MYOCOS: variants seen among roughly 807,000 people sequenced by gnomAD.
MYOCOS encodes myocilin opposite strand protein.
intron 2 of MYOCOS, 115 bp downstream of exon 2, chr1:171,624,093 C>A (rs1652631327): frequency 2.5e-6 from 1 of 397,302 alleles, no homozygotes; most frequent in Non-Finnish European, 4.4e-6. Context: ...GTATTTAATG[C>A]TGCTGCAAGA....
chr1:171,615,082 A>AT (rs1458279076), intron 2 of MYOCOS: 1 of 152,248 alleles, frequency 6.6e-6, no homozygotes, highest in Non-Finnish European at 1.5e-5. Flanking sequence ...CTTGAAGGCC[A>AT]TTGTAAGGTT....
upstream of MYOCOS, among the ~76,000 whole-genome samples, chr1:171,620,723 G>C (rs1167259491): frequency 1.3e-5 from 2 of 151,096 alleles, no homozygotes; most frequent in African/African-American, 2.4e-5. Flanking sequence ...ACTGCACTTT[G>C]AGTTGTCCTG....
upstream of MYOCOS, among the ~76,000 whole-genome samples, chr1:171,618,559 TTTTGTTTG>T (rs138926013): frequency 4.0e-4 from 60 of 150,734 alleles, no homozygotes; most frequent in African/African-American, 8.1e-4. Context: ...ACTATCTCCT[TTTTGTTTG>T]TTTGTTTGTT....
At chr1:171,600,881 A>G (rs567756232) in exon 1 of MYOCOS, 1 of 152,322 alleles carries the variant, frequency 6.6e-6, no homozygotes, top group East Asian at 1.9e-4. Flanking sequence ...TCCTTCTACA[A>G]CTTGGTGTCT....
intron 1 of MYOCOS, among the ~76,000 whole-genome samples, chr1:171,602,117 G>A (rs1652155016): frequency 6.6e-6 from 1 of 151,840 alleles, no homozygotes; most frequent in African/African-American, 2.4e-5. Flanking sequence ...TATGTAAAGA[G>A]TGTTATATGG....
rs1460461913 is a variant in MYOCOS, at chr1:171,623,959, C to A, written c.76C>A (p.Arg26=). 2 of 398,456 alleles carry A rather than the reference C, an allele frequency of 5.0e-6. No homozygotes were observed. The highest frequency in any genetic ancestry group is 8.8e-6 in the Non-Finnish European group (2 of 226,070). The allele number at this position is 398,456 out of a possible 1,614,324, so 24.7% of individuals were successfully genotyped here. ...CTTGACCTCCGAGGTAACCAGGCGCCGAGTCACCATGATCACAAGGTACCC... is the reference window on the plus strand; with the variant it reads ...CTTGACCTCCGAGGTAACCAGGCGCAGAGTCACCATGATCACAAGGTACCC... The part of the protein sequence containing the change: ...KDLTSEVTRR[R]VTMITRKEII... Residue 26 remains arginine, a synonymous_variant, in exon 2 of 3, where the codon CGA becomes AGA. Coordinates refer to ENST00000637642, the MANE Select transcript of MYOCOS (RefSeq NM_001391940.1).
At chr1:171,623,106 G>A (rs1251994308) in intron 1 of MYOCOS, among the ~76,000 whole-genome samples, 1 of 152,044 alleles carries the variant, frequency 6.6e-6, no homozygotes, top group African/African-American at 2.4e-5. Context: ...GCATGCACCT[G>A]TAGTCTCAGC....
chr1:171,621,933 T>A (rs7528819), upstream of MYOCOS, among the ~76,000 whole-genome samples: 1 of 152,252 alleles, frequency 6.6e-6, no homozygotes, highest in East Asian at 1.9e-4. Flanking sequence ...CCCTCACAAC[T>A]GCCCTAGAAG....
upstream of MYOCOS, among the ~76,000 whole-genome samples, chr1:171,622,060 A>G (rs1652586486): frequency 6.6e-6 from 1 of 152,138 alleles, no homozygotes; most frequent in South Asian, 2.1e-4. Flanking sequence ...TTAATTTCAG[A>G]GCTGAAACAC....
At chr1:171,624,589 A>C (rs1273460671) in intron 2 of MYOCOS, among the ~76,000 whole-genome samples, 1 of 151,824 alleles carries the variant, frequency 6.6e-6, no homozygotes, top group African/African-American at 2.4e-5. Context: ...GGCGCCCGCC[A>C]CGACGCCCGG....
Position 171,626,455 on chromosome 1 carries a change from A to G in MYOCOS, c.97A>G (p.Lys33Glu), listed in dbSNP as rs1258098348. ...TRRRVTMITR[K>E]EIITQKSDEA... The stretch of plus-strand genomic sequence containing the variant: ...CATTCAATGTGCCTTTCTTCCTAGA[A>G]AAGAGATAATTACCCAGAAAAGTGA... Residue 33 changes from lysine to glutamate, a missense_variant and splice_region_variant, in exon 3 of 3, where the codon AAA (lysine) becomes GAA (glutamate). Lys to Glu is a moderately conservative substitution (Grantham distance 56). Transcript: ENST00000637642. The G allele has an allele frequency of 1.8e-5, 7 of 398,506 alleles. No homozygotes were observed. The highest frequency in any genetic ancestry group is 3.1e-5 in the Non-Finnish European group (7 of 226,084). 24.7% of individuals were successfully genotyped at this position (398,506 alleles called of 1,614,324 possible). A position where few individuals can be genotyped will look rare whatever the true frequency, so the allele number is the denominator to read the frequency against.
chr1:171,608,904 G>A (rs2102933605), intron 1 of MYOCOS, among the ~76,000 whole-genome samples: 2 of 152,300 alleles, frequency 1.3e-5, no homozygotes, highest in African/African-American at 4.8e-5. Context: ...GTCCAGAAGA[G>A]GATCTAGGTG....
chr1:171,617,837 G>A (rs55906853), upstream of MYOCOS, among the ~76,000 whole-genome samples: 23,034 of 152,140 alleles, frequency 0.15, 2,280 homozygotes, highest in East Asian at 0.36. Flanking sequence ...TTGTTCAAAC[G>A]AAGACCTCGA....
chr1:171,604,341 TGAGGGCTGTTCC>T (rs1304424086), intron 1 of MYOCOS: 1 of 152,216 alleles, frequency 6.6e-6, no homozygotes, highest in Non-Finnish European at 1.5e-5. Flanking sequence ...TTCCTCAGAC[TGAGGGCTGTTCC>T]CAGTATATAC....
intron 1 of MYOCOS, among the ~76,000 whole-genome samples, chr1:171,623,183 C>A (rs1183657486): frequency 6.6e-6 from 1 of 151,990 alleles, no homozygotes; most frequent in Non-Finnish European, 1.5e-5. Flanking sequence ...GGTGACAGAG[C>A]CAGACCCTGT....
intron 2 of MYOCOS, among the ~76,000 whole-genome samples, chr1:171,616,175 C>CCA (rs1474401924): frequency 6.6e-6 from 1 of 152,174 alleles, no homozygotes; most frequent in African/African-American, 2.4e-5. Context: ...CAAGATCGTG[C>CCA]CACTGCACTC....
intron 1 of MYOCOS, among the ~76,000 whole-genome samples, chr1:171,605,520 C>G (rs1028716319): frequency 3.3e-5 from 5 of 151,878 alleles, no homozygotes; most frequent in African/African-American, 1.2e-4. Flanking sequence ...CGGCCCCCAC[C>G]AGGTTATATT....
upstream of MYOCOS, among the ~76,000 whole-genome samples, chr1:171,620,800 T>C (rs1225680988): frequency 2.3e-5 from 3 of 128,106 alleles, no homozygotes; most frequent in East Asian, 6.7e-4. Flanking sequence ...TGAGACGGAG[T>C]CTCGTTCTGT....
At chr1:171,620,611 C>T (rs963376666), upstream of MYOCOS, among the ~76,000 whole-genome samples, 4 of 152,092 alleles carry the variant, frequency 2.6e-5, no homozygotes, top group African/African-American at 9.7e-5. Context: ...TTTATCTTAA[C>T]CTGAACATTC....
Sources: gnomAD v4.1 joint callset for allele counts (sites outside exome capture counted in the v4.1 genomes callset) on GRCh38, gnomAD v4.1.1 for gene constraint, MANE v1.5 for transcripts, NCBI Gene and HGNC (gene_info 2026-07-23, HGNC 2026-07-21) for gene names.